The following NTNG2 variants were observed in gnomAD, a reference collection of about 807,000 sequenced individuals.
NTNG2 encodes netrin-G2.
Under a neutral mutation model 47.6 loss-of-function variants are expected in NTNG2, and 15 were observed. The ratio of observed to expected loss-of-function variants is 0.32; its 90% CI spans 0.21 to 0.49. The LOEUF is 0.49. Among genes scored for constraint, NTNG2 ranks in the 20% least tolerant of loss-of-function variants. The probability of loss-of-function intolerance (pLI) is 0.99; values close to 1 mark genes in which losing one functional copy is unlikely to be tolerated. For synonymous variants in NTNG2, 307 were observed against 324.6 expected (o/e 0.95, Z 0.58); for missense variants, 578 against 764.6 (o/e 0.76, Z 2.88).
At chr9:132,179,497 G>T (rs991272383) in intron 2 of NTNG2, among the ~76,000 whole-genome samples, 1 of 152,214 alleles carries the variant, frequency 6.6e-6, no homozygotes, top group African/African-American at 2.4e-5. Flanking sequence ...GGAGGGCAAG[G>T]CCGGGTAGGA....
chr9:132,241,934 C>A lies in NTNG2; in HGVS notation c.1416C>A (p.Asn472Lys). The A allele has an allele frequency of 6.4e-7, 1 of 1,572,560 alleles. No individual in the cohort carries two copies. The highest frequency in any genetic ancestry group is 8.6e-7 in the Non-Finnish European group (1 of 1,166,612). The change falls in exon 8 of 8, where the codon AAC (asparagine) becomes AAA (lysine). Residue 472 changes from asparagine (N) to lysine (K), a missense_variant. By Grantham distance (94) the Asn-to-Lys change is moderately conservative. Coordinates refer to ENST00000393229, the MANE Select transcript of NTNG2 (RefSeq NM_032536.4). The part of the protein sequence containing the change: ...LCQNGGTCLQ[N>K]QRCACPRGYT... ...AGAACGGAGGCACCTGCCTGCAGAA[C>A]CAGCGCTGCGCCTGCCCGCGCGGCT...
intron 2 of NTNG2, among the ~76,000 whole-genome samples, chr9:132,185,426 C>T (rs1483086475): frequency 2.0e-5 from 3 of 152,208 alleles, no homozygotes; most frequent in Non-Finnish European, 4.4e-5. Context: ...CACTGAAACC[C>T]TCACAGCCAC....
intron 2 of NTNG2, among the ~76,000 whole-genome samples, chr9:132,190,030 G>A (rs62577495): frequency 1.4e-5 from 2 of 146,868 alleles, no homozygotes; most frequent in Non-Finnish European, 3.0e-5. Context: ...TCAGGAGATC[G>A]AGACCATCCT....
In NTNG2 at chr9:132,241,906, G is replaced by T; in HGVS notation, c.1388G>T (p.Cys463Phe). ...PNVCDDDQLL[C>F]QNGGTCLQNQ... ...GTGTGCGACGACGACCAGCTGCTGT[G>T]CCAGAACGGAGGCACCTGCCTGCAG... The change falls in exon 8 of 8, where the codon TGC becomes TTC. Residue 463 changes from cysteine to phenylalanine, a missense_variant. Cys to Phe is a radical substitution (Grantham distance 205, BLOSUM62 -2). Coordinates refer to ENST00000393229, the MANE Select transcript of NTNG2 (RefSeq NM_032536.4). 1 of 1,577,580 alleles carries T rather than the reference G, an allele frequency of 6.3e-7. No homozygotes were observed.
rs925809141 is a variant in NTNG2 at position 132,197,706 on chromosome 9, C to T, written c.214-260C>T. Among the ~76,000 whole-genome samples, 3 of 152,214 alleles carry T rather than the reference C, an allele frequency of 2.0e-5. No homozygotes were observed. Among genetic ancestry groups the T allele is most frequent in the Admixed American group, 2.0e-4 (3 of 15,280 alleles). On this transcript the variant is annotated intron_variant, in intron 2 of 7. Coordinates refer to ENST00000393229, the MANE Select transcript of NTNG2 (RefSeq NM_032536.4). This position sits in a 1 kb window ranked among gnomAD's most constrained non-coding sequence, Gnocchi z 4.3. The stretch of plus-strand genomic sequence containing the variant: ...GGAGGGCTTCAAAGCAGGGGACTAA[C>T]ACCCAGCCTTCTTGGTTGTCTGTAT...
At chr9:132,203,542 A>G (rs1233466539) in intron 3 of NTNG2, among the ~76,000 whole-genome samples, 1 of 152,158 alleles carries the variant, frequency 6.6e-6, no homozygotes, top group Non-Finnish European at 1.5e-5. Context: ...AGAAGTATCT[A>G]TGTAAAGTCT....
At chr9:132,190,232 CAAAAAAAAAAAAAAAA>C (rs58974463) in intron 2 of NTNG2, among the ~76,000 whole-genome samples, 3 of 69,928 alleles carry the variant, frequency 4.3e-5, no homozygotes, top group East Asian at 3.8e-4. Flanking sequence ...GACTCCATCT[CAAAAAAAAAAAAAAAA>C]AAAAAAAAAA....
chr9:132,187,760 T>G (rs1213648660), intron 2 of NTNG2, among the ~76,000 whole-genome samples: 2 of 152,176 alleles, frequency 1.3e-5, no homozygotes, highest in Non-Finnish European at 2.9e-5. Flanking sequence ...AGTAATCTGT[T>G]AAGGAGAATT....
At chr9:132,188,235 T>G (rs1837555802) in intron 2 of NTNG2, among the ~76,000 whole-genome samples, 2 of 152,308 alleles carry the variant, frequency 1.3e-5, no homozygotes, top group South Asian at 4.1e-4. Context: ...GCCTTCCACC[T>G]TGTATGCGGC....
intron 3 of NTNG2, among the ~76,000 whole-genome samples, chr9:132,200,004 A>G (rs957336895): frequency 6.6e-6 from 1 of 152,214 alleles, no homozygotes; most frequent in African/African-American, 2.4e-5. Flanking sequence ...ATAATATGCC[A>G]GTCTGTGGGG....
chr9:132,199,868 G>C (rs1838609452), intron 3 of NTNG2, among the ~76,000 whole-genome samples: 1 of 152,172 alleles, frequency 6.6e-6, no homozygotes, highest in South Asian at 2.1e-4. Flanking sequence ...TGTGTTTTGA[G>C]GAAACTTTGA....
In NTNG2 at chr9:132,242,388, T is replaced by TC. The variant is rs1670403174; in HGVS notation, c.*278dup. 1 of 140,342 alleles carries TC rather than the reference T, an allele frequency of 7.1e-6. No individual in the cohort carries two copies. The highest frequency in any genetic ancestry group is 1.5e-5 in the Non-Finnish European group (1 of 68,596). 8.7% of individuals were successfully genotyped at this position (140,342 alleles called of 1,614,324 possible). ...TTCCTTTTTTGTCTTTCTCTCTCTCTCTTTTTTTTTTTTTTTTTCTGGCGG... is the reference window on the plus strand; with the variant it reads ...TTCCTTTTTTGTCTTTCTCTCTCTCTCCTTTTTTTTTTTTTTTTTCTGGCGG... On this transcript the variant is annotated 3_prime_UTR_variant, in exon 8 of 8. Coordinates refer to ENST00000393229, the MANE Select transcript of NTNG2 (RefSeq NM_032536.4). This position sits in a 1 kb window ranked among gnomAD's most constrained non-coding sequence, Gnocchi z 5.9.
At chr9:132,200,005 G>A (rs1203584286) in intron 3 of NTNG2, among the ~76,000 whole-genome samples, 1 of 152,224 alleles carries the variant, frequency 6.6e-6, no homozygotes, top group Non-Finnish European at 1.5e-5. Flanking sequence ...TAATATGCCA[G>A]TCTGTGGGGG....
Position 132,198,314 on chromosome 9 carries a change from TC to T in NTNG2, c.564del (p.Ser189AlafsTer180). The T allele has an allele frequency of 1.2e-6, 2 of 1,612,842 alleles. No homozygotes were observed. The highest frequency in any genetic ancestry group is 1.7e-6 in the Non-Finnish European group (2 of 1,179,916). ...CCGCCGGGCCCGCGACATGTCATCCTCCAGCGCGCACCGCGTGCTCTGCACC... is the reference window on the plus strand; with the variant it reads ...CCGCCGGGCCCGCGACATGTCATCCTCAGCGCGCACCGCGTGCTCTGCACC... ...SARRARDMSS[S>X]SAHRVLCTEE... On this transcript the variant is annotated frameshift_variant, in exon 3 of 8. Coordinates refer to ENST00000393229, the MANE Select transcript of NTNG2 (RefSeq NM_032536.4). LOFTEE classifies it high-confidence loss of function.
Position 132,166,732 on chromosome 9 carries a change from G to C in NTNG2, c.-100G>C. The C allele has an allele frequency of 8.9e-7, 1 of 1,129,240 alleles. No individual in the cohort carries two copies. The highest frequency in any genetic ancestry group is 1.3e-6 in the Non-Finnish European group (1 of 754,954). 70.0% of individuals were successfully genotyped at this position (1,129,240 alleles called of 1,614,324 possible). On this transcript the variant is annotated 5_prime_UTR_variant, in exon 2 of 8. Coordinates refer to ENST00000393229, the MANE Select transcript of NTNG2 (RefSeq NM_032536.4). ...GGGACACCCCGGCCACCCTCGCCTG[G>C]TAGATGTGGCATTTCCATGCTGAGG...
At position 132,241,458 on chromosome 9, in the gene NTNG2, G is replaced by GA; in HGVS notation, c.1357+414_1357+415insA. On this transcript the variant is annotated intron_variant, in intron 7 of 7. Transcript: ENST00000393229. Reference sequence around the variant, plus strand: ...CTGATGCGACCTGAGGCACGGTGGTGCCTGGTGGGAACTACGAGAAAGACC... The same window carrying GA: ...CTGATGCGACCTGAGGCACGGTGGTGACCTGGTGGGAACTACGAGAAAGACC... 6 of 329,360 alleles carry GA rather than the reference G, an allele frequency of 1.8e-5. No individual in the cohort carries two copies. The South Asian group carries it at 2.3e-4, about 13-fold the overall frequency. The allele number at this position is 329,360 out of a possible 1,614,324, so 20.4% of individuals were successfully genotyped here.
chr9:132,207,105 G>A lies in NTNG2; in HGVS notation c.857+8496G>A, dbSNP rs959518778. Among the ~76,000 whole-genome samples, 10 of 152,256 alleles carry A rather than the reference G, an allele frequency of 6.6e-5. No homozygotes were observed. In the South Asian group the frequency reaches 1.0e-3, roughly 16 times the overall value. Reference sequence around the variant, plus strand: ...CTTCCCAGCAGCACTAGGCAGAATCGGGGTTCCCTCTTCTCTTGCCTAAGA... The same window carrying A: ...CTTCCCAGCAGCACTAGGCAGAATCAGGGTTCCCTCTTCTCTTGCCTAAGA... On this transcript the variant is annotated intron_variant, in intron 3 of 7. Coordinates refer to ENST00000393229, the MANE Select transcript of NTNG2 (RefSeq NM_032536.4).
chr9:132,169,566 G>A (rs531497136), intron 2 of NTNG2, among the ~76,000 whole-genome samples: 36 of 152,356 alleles, frequency 2.4e-4, no homozygotes, highest in Admixed American at 1.3e-3. Flanking sequence ...ACTCCGTTGA[G>A]AAGGCAGGCT....
Position 132,242,000 on chromosome 9 carries a change from C to A in NTNG2, c.1482C>A (p.Ala494=), listed in dbSNP as rs779228552. 4 of 1,477,364 alleles carry A rather than the reference C, an allele frequency of 2.7e-6. No homozygotes were observed. The highest frequency in any genetic ancestry group is 2.7e-6 in the Non-Finnish European group (3 of 1,121,056). 91.5% of individuals were successfully genotyped at this position (1,477,364 alleles called of 1,614,324 possible). ...VRCEQPRCDP[A]DDDGGLDCDR... is the part of the protein sequence containing the mutation. ...GCGAGCAGCCCCGCTGCGACCCCGCCGACGATGACGGCGGTCTGGACTGCG... is the reference window on the plus strand; with the variant it reads ...GCGAGCAGCCCCGCTGCGACCCCGCAGACGATGACGGCGGTCTGGACTGCG... Residue 494 remains alanine (A), a synonymous_variant, in exon 8 of 8, where the codon GCC becomes GCA. Coordinates refer to ENST00000393229, the MANE Select transcript of NTNG2 (RefSeq NM_032536.4).
Sources: gnomAD v4.1 joint callset for allele counts (sites outside exome capture counted in the v4.1 genomes callset) on GRCh38, gnomAD v4.1.1 for gene constraint, Gnocchi (gnomAD v3.1) non-coding constraint, MANE v1.5 for transcripts, NCBI Gene and HGNC (gene_info 2026-07-23, HGNC 2026-07-21) for gene names.